Variants in VGLL4 observed in about 807,000 individuals in gnomAD.
The protein encoded by VGLL4 is transcription cofactor vestigial-like protein 4.
Under a neutral mutation model 21.0 loss-of-function variants are expected in VGLL4, and 7 were observed. The ratio of observed to expected loss-of-function variants is 0.33; its 90% confidence interval spans 0.19 to 0.63. The LOEUF is 0.63. VGLL4 is among the 20% of genes least tolerant of loss of function. The probability of loss-of-function intolerance (pLI) is 0.78; values close to 1 mark genes in which losing one functional copy is unlikely to be tolerated. For synonymous variants in VGLL4, 222 were observed against 173.2 expected (o/e 1.28, Z -2.21); for missense variants, 394 against 425.7 (o/e 0.93, Z 0.66).
intron 2 of VGLL4, among the ~76,000 whole-genome samples, chr3:11,575,972 G>A (rs984941827): frequency 6.6e-6 from 1 of 152,198 alleles, no homozygotes; most frequent in East Asian, 1.9e-4. Flanking sequence ...CTCAGGTCAC[G>A]TTTCTGAATA....
intron 2 of VGLL4, among the ~76,000 whole-genome samples, chr3:11,684,379 CT>C (rs1042047974): frequency 3.4e-4 from 52 of 150,824 alleles, no homozygotes; most frequent in Admixed American, 9.3e-4. Context: ...AAAACTTTCC[CT>C]TTTTTTTTCT....
Position 11,559,404 on chromosome 3 carries a change from G to GGTTGCA in VGLL4, c.541_546dup (p.Cys181_Asn182dup). The GGTTGCA allele has an allele frequency of 6.4e-7, 1 of 1,562,904 alleles. No homozygotes were observed. Among genetic ancestry groups the GGTTGCA allele is most frequent in the South Asian group, 1.2e-5 (1 of 84,960 alleles). On this transcript the variant is annotated inframe_insertion, in exon 4 of 5. Transcript: ENST00000430365. ...CTGTGCGCGATGGGGCAGTGCGAGA[G>GGTTGCA]GTTGCAGTTGCGGGCGCCAGCCGAG...
chr3:11,567,551 A>G (rs2073594154), intron 2 of VGLL4, among the ~76,000 whole-genome samples: 1 of 152,200 alleles, frequency 6.6e-6, no homozygotes, highest in South Asian at 2.1e-4. Context: ...AAACGTTAAA[A>G]TACTAAAAAC....
rs555882394 is a variant in VGLL4, at chr3:11,701,195, G to A, written c.64+1776C>T. On this transcript the variant is annotated intron_variant, in intron 2 of 5. Transcript: ENST00000273038. ...GGGGTGGATCCCTCATGAATGGCACGGTGATGAGTGAGTTCTCACTCTACT... is the reference window on the plus strand; with the variant it reads ...GGGGTGGATCCCTCATGAATGGCACAGTGATGAGTGAGTTCTCACTCTACT... Among the ~76,000 whole-genome samples, 8 of 152,212 alleles carry A rather than the reference G, an allele frequency of 5.3e-5. No individual in the cohort carries two copies. The East Asian group carries it at 5.8e-4, about 11-fold the overall frequency.
chr3:11,658,974 C>T (rs1044073977), intron 2 of VGLL4, among the ~76,000 whole-genome samples: 5 of 152,102 alleles, frequency 3.3e-5, no homozygotes, highest in Non-Finnish European at 5.9e-5. Context: ...CACCTCCAGG[C>T]GTCAGGCACA....
At chr3:11,707,791 C>T (rs534719063) in intron 1 of VGLL4, among the ~76,000 whole-genome samples, 1 of 151,776 alleles carries the variant, frequency 6.6e-6, no homozygotes, top group South Asian at 2.1e-4. Flanking sequence ...GCCAGGAGGT[C>T]GATGCTGCAG....
chr3:11,656,955 C>T (rs1235157133), intron 2 of VGLL4, among the ~76,000 whole-genome samples: 2 of 152,108 alleles, frequency 1.3e-5, no homozygotes, highest in African/African-American at 4.8e-5. Flanking sequence ...AGAGCGTCTG[C>T]AGGGAGGCTG....
chr3:11,593,968 C>G (rs1046490538), intron 2 of VGLL4, among the ~76,000 whole-genome samples: 2 of 152,202 alleles, frequency 1.3e-5, no homozygotes, highest in African/African-American at 4.8e-5. Context: ...GGGCTCTGCC[C>G]TATTCTGTGG....
intron 2 of VGLL4, among the ~76,000 whole-genome samples, chr3:11,655,392 G>C (rs185071376): frequency 6.6e-6 from 1 of 152,240 alleles, no homozygotes; most frequent in East Asian, 1.9e-4. Context: ...CAGGACTAGG[G>C]GGCGACGTGA....
intron 2 of VGLL4, among the ~76,000 whole-genome samples, chr3:11,580,677 AC>A (rs1340784237): frequency 6.6e-6 from 1 of 152,228 alleles, no homozygotes; most frequent in Non-Finnish European, 1.5e-5. Flanking sequence ...CACAACAATA[AC>A]TGAAATTGTA....
At chr3:11,633,504 C>T (rs1358708820) in intron 1 of VGLL4, 2 of 152,240 alleles carry the variant, frequency 1.3e-5, no homozygotes, top group Non-Finnish European at 2.9e-5. Context: ...CCCGTCTCTA[C>T]TAAAAATACA....
rs1269361852 is a variant in VGLL4, at chr3:11,568,308, A to G, written c.273-3289T>C. On this transcript the variant is annotated intron_variant, in intron 2 of 4. Coordinates refer to ENST00000430365, the MANE Select transcript of VGLL4 (RefSeq NM_001128219.3). The surrounding 1 kb of genome is among the most constrained non-coding windows in gnomAD (Gnocchi z 5.9). ...CAGCTGCGCCTTAGGAAATCCAAGC[A>G]TGACTATGAGACCACATCACAGAGG... Among the ~76,000 whole-genome samples, 2 of 152,208 alleles carry G rather than the reference A, an allele frequency of 1.3e-5. No individual in the cohort carries two copies.
chr3:11,666,835 C>G (rs2076133877), intron 2 of VGLL4, among the ~76,000 whole-genome samples: 1 of 152,164 alleles, frequency 6.6e-6, no homozygotes, highest in African/African-American at 2.4e-5. Flanking sequence ...TAAGTAGTTA[C>G]TTACAAAACA....
chr3:11,573,071 G>A (rs2073836538), intron 2 of VGLL4, among the ~76,000 whole-genome samples: 1 of 151,662 alleles, frequency 6.6e-6, no homozygotes, highest in Admixed American at 6.6e-5. Flanking sequence ...GAGGCTGAGG[G>A]AGGAGAATCG....
At chr3:11,631,703 T>A (rs1327250451) in intron 1 of VGLL4, among the ~76,000 whole-genome samples, 1 of 152,242 alleles carries the variant, frequency 6.6e-6, no homozygotes, top group Non-Finnish European at 1.5e-5. Flanking sequence ...TAACTTGATC[T>A]AATTTTATGT....
chr3:11,687,743 T>C (rs2076472424), intron 2 of VGLL4, among the ~76,000 whole-genome samples: 1 of 152,222 alleles, frequency 6.6e-6, no homozygotes, highest in African/African-American at 2.4e-5. Flanking sequence ...CCCCCATTTA[T>C]TGTTACGATT....
chr3:11,606,490 G>A (rs2074943590), intron 1 of VGLL4, among the ~76,000 whole-genome samples: 1 of 152,200 alleles, frequency 6.6e-6, no homozygotes, highest in Non-Finnish European at 1.5e-5. Context: ...ATTGTAAAGT[G>A]GCATTGAGAG....
At chr3:11,704,454 A>G (rs2076731295) in intron 1 of VGLL4, among the ~76,000 whole-genome samples, 1 of 151,798 alleles carries the variant, frequency 6.6e-6, no homozygotes, top group African/African-American at 2.4e-5. Flanking sequence ...ATCATGCAAT[A>G]TGACTTCATT....
At chr3:11,634,590 C>A (rs893255605) in intron 1 of VGLL4, among the ~76,000 whole-genome samples, 1 of 152,154 alleles carries the variant, frequency 6.6e-6, no homozygotes, top group Non-Finnish European at 1.5e-5. Flanking sequence ...CGCCTACTCA[C>A]CCCGAGGAGC....
Sources: gnomAD v4.1 joint callset for allele counts (sites outside exome capture counted in the v4.1 genomes callset) on GRCh38, gnomAD v4.1.1 for gene constraint, Gnocchi (gnomAD v3.1) non-coding constraint, MANE v1.5 for transcripts, NCBI Gene and HGNC (gene_info 2026-07-23, HGNC 2026-07-21) for gene names.